The following CNOT1 variants were observed in gnomAD, a reference collection of about 807,000 sequenced individuals.
CNOT1 encodes CCR4-NOT transcription complex subunit 1.
A neutral mutation model predicts 273.8 loss-of-function variants in CNOT1; 15 were observed. That is an observed-to-expected ratio of 0.05 (90% CI 0.04 to 0.08). The LOEUF is 0.08. CNOT1 is among the 10% of genes least tolerant of loss of function. CNOT1 has a pLI of 1.00. For missense variants in CNOT1, 1,644 were observed against 2,912.2 expected, an observed-to-expected ratio of 0.56 and a Z score of 10.02; for synonymous variants, 1,022 against 1,005.5, an observed-to-expected ratio of 1.02 and a Z score of -0.31.
rs2040142268 is a variant in CNOT1 at position 58,543,051 on chromosome 16, C to A, written c.4435-483G>T. On this transcript the variant is annotated intron_variant, in intron 31 of 48. Transcript: ENST00000317147. ...GAGGATGCAGTGAGCCAAGACTGCA[C>A]CACTGTACTCTAGCCTAAGCTACAG... is the stretch of plus-strand genomic sequence containing the variant. The A allele has an allele frequency of 5.2e-6, 6 of 1,143,816 alleles. No homozygotes were observed. The African/African-American group carries it at 9.6e-5, about 18-fold the overall frequency. 70.9% of individuals were successfully genotyped at this position (1,143,816 alleles called of 1,614,324 possible). A position where few individuals can be genotyped will look rare whatever the true frequency, so the allele number is the denominator to read the frequency against.
intron 3 of CNOT1, 112 bp downstream of exon 3, chr16:58,588,687 T>G (rs1186416229): frequency 7.8e-7 from 1 of 1,278,038 alleles, no homozygotes; most frequent in Non-Finnish European, 1.0e-6. Context: ...ACCATCCAGC[T>G]ACAATCACTT....
At chr16:58,626,734 T>G (rs1305232101) in intron 1 of CNOT1, among the ~76,000 whole-genome samples, 1 of 150,546 alleles carries the variant, frequency 6.6e-6, no homozygotes, top group African/African-American at 2.5e-5. Flanking sequence ...CATTCCAGCC[T>G]GGGCAACAGG....
At chr16:58,586,445 A>C in intron 7 of CNOT1, 100 bp downstream of exon 7, 1 of 77,802 alleles carries the variant, frequency 1.3e-5, no homozygotes, top group Non-Finnish European at 2.6e-5. Flanking sequence ...GAGGGCAGGG[A>C]GGAGGGGAGG....
At position 58,599,289 on chromosome 16, in the gene CNOT1, C is replaced by T. The variant is rs775295891; in HGVS notation, c.49G>A (p.Val17Met). Residue 17 changes from valine (V) to methionine (M), a missense_variant, in exon 2 of 49, where the codon GTG (valine) becomes ATG (methionine). Physicochemically the swap from Val to Met is conservative, Grantham distance 21. Transcript: ENST00000317147. Reference sequence around the variant, plus strand: ...TAATTTTTCTTGGTTAAATTGTCCACCAGGTAGCTGATTTGAGACAAGGCC... The same window carrying T: ...TAATTTTTCTTGGTTAAATTGTCCATCAGGTAGCTGATTTGAGACAAGGCC... ...SLALSQISYL[V>M]DNLTKKNYRA... 4 of 1,614,110 alleles carry T rather than the reference C, an allele frequency of 2.5e-6. No individual in the cohort carries two copies. Among genetic ancestry groups the T allele is most frequent in the Non-Finnish European group, 1.7e-6 (2 of 1,180,026 alleles).
At position 58,558,609 on chromosome 16, in the gene CNOT1, A is replaced by G. The variant is rs2040718670; in HGVS notation, c.2196T>C (p.Ser732=). 1.9e-6 allele frequency: 3 copies of G among 1,613,082 alleles called. No homozygotes were observed. The highest frequency in any genetic ancestry group is 3.3e-4 in the Middle Eastern group (2 of 6,048). The stretch of plus-strand genomic sequence containing the variant: ...CCAAATTTGGAGGAAAACCCTGCAT[A>G]CTCTGGGTGTGAGGGGCAGCTGAAC... ...IGGSAAPHTQ[S]MQGFPPNLGS... Residue 732 remains serine, a synonymous_variant, in exon 18 of 49, where the codon AGT becomes AGC. Coordinates refer to ENST00000317147, the MANE Select transcript of CNOT1 (RefSeq NM_016284.5).
chr16:58,567,822 G>C (rs1457097736), intron 16 of CNOT1, among the ~76,000 whole-genome samples: 1 of 152,180 alleles, frequency 6.6e-6, no homozygotes, highest in Non-Finnish European at 1.5e-5. Context: ...AAGCCTGAGA[G>C]GTGAATCAAA....
Position 58,547,875 on chromosome 16 carries a change from T to C in CNOT1, c.3523-193A>G, listed in dbSNP as rs1340065184. Among the ~76,000 whole-genome samples the C allele has an allele frequency of 6.6e-6, 1 of 152,246 alleles. No homozygotes were observed. The highest frequency in any genetic ancestry group is 1.9e-4 in the East Asian group (1 of 5,204). On this transcript the variant is annotated intron_variant, in intron 25 of 48. Transcript: ENST00000317147. The surrounding 1 kb of genome is among the most constrained non-coding windows in gnomAD (Gnocchi z 4.0). ...GTTTATGATTCAACAGTGCTATTTT[T>C]ACCTTGAAGAAGTCTTTACATTTTA... is the stretch of plus-strand genomic sequence containing the variant.
At chr16:58,621,979 T>C (rs141094799) in intron 1 of CNOT1, among the ~76,000 whole-genome samples, 9 of 144,440 alleles carry the variant, frequency 6.2e-5, no homozygotes, top group East Asian at 2.1e-4. Flanking sequence ...ACCAGAGAAT[T>C]TGGATGATGA....
chr16:58,555,359 T>A lies in CNOT1; in HGVS notation c.2783A>T (p.Tyr928Phe), dbSNP rs905865132. ...GGIIEKGLVT[Y>F]MALGLALRYV... ...TCGTAGAGCCAGACCTAGTGCCATG[T>A]AAGTGACCAGTCCTTTCTCAATTAT... The change falls in exon 21 of 49, where the codon TAC (tyrosine) becomes TTC (phenylalanine). Residue 928 changes from tyrosine to phenylalanine, a missense_variant. Physicochemically the swap from Tyr to Phe is conservative, Grantham distance 22. This residue lies in a region of CNOT1 where 74 missense variants were observed against 184.6 expected (regional missense o/e 0.40). Coordinates refer to ENST00000317147, the MANE Select transcript of CNOT1 (RefSeq NM_016284.5). 1 of 1,614,264 alleles carries A rather than the reference T, an allele frequency of 6.2e-7. No individual in the cohort carries two copies.
At chr16:58,599,815 C>T (rs1439275992) in intron 1 of CNOT1, among the ~76,000 whole-genome samples, 1 of 152,092 alleles carries the variant, frequency 6.6e-6, no homozygotes, top group Non-Finnish European at 1.5e-5. Flanking sequence ...CCTGTAACCC[C>T]AGCACTTTGC....
At chr16:58,629,210 C>T (rs1053560558) in intron 1 of CNOT1, among the ~76,000 whole-genome samples, 4 of 152,250 alleles carry the variant, frequency 2.6e-5, no homozygotes, top group African/African-American at 9.6e-5. Context: ...GGGAGAGTGG[C>T]AGCTCCGAGT....
rs1567401409 is a variant in CNOT1 at position 58,551,201 on chromosome 16, G to A, written c.3273C>T (p.Pro1091=). Residue 1091 remains proline, a synonymous_variant, in exon 24 of 49, where the codon CCC becomes CCT. Coordinates refer to ENST00000317147, the MANE Select transcript of CNOT1 (RefSeq NM_016284.5). ...ATDQTERIVE[P]PENIQEKIAF... is the part of the protein sequence containing the mutation. ...CAATTTTCTCCTGGATATTTTCTGG[G>A]GGCTCCACAATTCTCTCAGTTTGAT... is the stretch of plus-strand genomic sequence containing the variant. The A allele has an allele frequency of 2.5e-6, 4 of 1,609,834 alleles. No individual in the cohort carries two copies. Among genetic ancestry groups the A allele is most frequent in the Middle Eastern group, 1.7e-4 (1 of 6,046 alleles).
At chr16:58,587,127 C>A in intron 6 of CNOT1, 74 bp downstream of exon 6, 2 of 1,541,006 alleles carry the variant, frequency 1.3e-6, no homozygotes, top group Admixed American at 2.0e-5. Flanking sequence ...AAGTCTAAAT[C>A]ACAGAGCCTC....
chr16:58,585,544 A>G, intron 7 of CNOT1, 38 bp from the exon 8 acceptor site: 3 of 1,587,160 alleles, frequency 1.9e-6, no homozygotes, highest in Non-Finnish European at 2.6e-6. Flanking sequence ...TATACTAATT[A>G]AAAACAAACA....
At position 58,547,466 on chromosome 16, in the gene CNOT1, T is replaced by C; in HGVS notation, c.3639+100A>G. The stretch of plus-strand genomic sequence containing the variant: ...CAACTCAAAACGTGGGCCAAAATCT[T>C]ACAAAACCCCAATAATCATTAAATA... On this transcript the variant is annotated intron_variant, in intron 26 of 48. Coordinates refer to ENST00000317147, the MANE Select transcript of CNOT1 (RefSeq NM_016284.5). The surrounding 1 kb of genome is among the most constrained non-coding windows in gnomAD (Gnocchi z 4.0). 1.3e-6 allele frequency: 2 copies of C among 1,516,912 alleles called. No individual in the cohort carries two copies. The highest frequency in any genetic ancestry group is 1.8e-6 in the Non-Finnish European group (2 of 1,128,538). 94.0% of individuals were successfully genotyped at this position (1,516,912 alleles called of 1,614,324 possible).
chr16:58,563,436 C>T (rs1418474899), intron 16 of CNOT1, among the ~76,000 whole-genome samples: 1 of 152,094 alleles, frequency 6.6e-6, no homozygotes, highest in African/African-American at 2.4e-5. Context: ...CCTGATGACA[C>T]ATATCTCAGA....
intron 2 of CNOT1, among the ~76,000 whole-genome samples, chr16:58,594,790 A>C (rs112535012): frequency 6.6e-6 from 1 of 150,804 alleles, no homozygotes; most frequent in African/African-American, 2.4e-5. Context: ...AAACAGACCA[A>C]TACTGTCTCA....
chr16:58,527,100 C>G (rs1009026206), intron 44 of CNOT1, among the ~76,000 whole-genome samples: 2 of 152,146 alleles, frequency 1.3e-5, no homozygotes, highest in Non-Finnish European at 2.9e-5. Context: ...TCCTCTCTCT[C>G]CTTTATTCCA....
chr16:58,622,673 C>G (rs113637914), intron 1 of CNOT1, among the ~76,000 whole-genome samples: 1 of 150,722 alleles, frequency 6.6e-6, no homozygotes, highest in Admixed American at 6.6e-5. Context: ...ATGGTGAAAC[C>G]CTGTCTCTAC....
Sources: gnomAD v4.1 joint callset for allele counts (sites outside exome capture counted in the v4.1 genomes callset) on GRCh38, gnomAD v4.1.1 for gene constraint, gnomAD v4.1.1 regional missense constraint, Gnocchi (gnomAD v3.1) non-coding constraint, MANE v1.5 for transcripts, NCBI Gene and HGNC (gene_info 2026-07-23, HGNC 2026-07-21) for gene names.